The following MAGI2 variants were observed in gnomAD, a reference collection of about 807,000 sequenced individuals.
MAGI2 encodes membrane associated guanylate kinase, WW and PDZ domain containing 2.
A neutral mutation model predicts 133.3 loss-of-function variants in MAGI2; 35 were observed. The ratio of observed to expected loss-of-function variants is 0.26; its 90% CI spans 0.20 to 0.35. The LOEUF (loss-of-function observed/expected upper bound fraction) is 0.35. MAGI2 is among the 10% of genes least tolerant of loss of function. The pLI is 1.00. For missense variants in MAGI2, 1,636 were observed against 1,863.4 expected (o/e 0.88, Z 2.25); for synonymous variants, 729 against 710.6 (o/e 1.03, Z -0.41).
At chr7:78,793,825 A>T (rs1387952846) in intron 2 of MAGI2, among the ~76,000 whole-genome samples, 3 of 152,234 alleles carry the variant, frequency 2.0e-5, no homozygotes, top group Non-Finnish European at 4.4e-5. Context: ...ACAGTTGCTT[A>T]GTTGGTGATC....
In MAGI2 at chr7:78,657,069, T is replaced by G. The variant is rs1383299272; in HGVS notation, c.419-29830A>C. Among the ~76,000 whole-genome samples, 6 of 149,712 alleles carry G rather than the reference T, an allele frequency of 4.0e-5. No individual in the cohort carries two copies. The East Asian group carries it at 1.2e-3, about 29-fold the overall frequency. ...AGATACAGGAGATGGCAAATAAGAA[T>G]ATCAAATGATGATCCATATCATATG... On this transcript the variant is annotated intron_variant, in intron 2 of 21. Coordinates refer to ENST00000354212, the MANE Select transcript of MAGI2 (RefSeq NM_012301.4).
At chr7:78,849,472 C>T (rs1207820) in intron 2 of MAGI2, among the ~76,000 whole-genome samples, 95,287 of 151,878 alleles carry the variant, frequency 0.63, 30,884 homozygotes, top group East Asian at 0.74. Flanking sequence ...GAATGCCATG[C>T]AGAAGGTAAC....
chr7:78,330,989 A>G (rs1789132356), intron 9 of MAGI2, among the ~76,000 whole-genome samples: 2 of 152,220 alleles, frequency 1.3e-5, no homozygotes, highest in African/African-American at 2.4e-5. Context: ...ACACATACAC[A>G]CACCATAGAA....
intron 3 of MAGI2, among the ~76,000 whole-genome samples, chr7:78,588,420 G>A (rs1422876004): frequency 6.6e-6 from 1 of 152,222 alleles, no homozygotes; most frequent in African/African-American, 2.4e-5. Context: ...AAGCCAGTGT[G>A]TGGCAGGGGG....
rs142026924 is a variant in MAGI2 at position 79,266,889 on chromosome 7, C to T, written c.301+186131G>A. Among the ~76,000 whole-genome samples, 123 of 152,152 alleles carry T rather than the reference C, an allele frequency of 8.1e-4. No homozygotes were observed. The East Asian group carries it at 0.014, about 17-fold the overall frequency. The stretch of plus-strand genomic sequence containing the variant: ...AACTAAAGGATAACATCTTAACATA[C>T]GTTCTTGAGTTATTTTTCAGAAACT... On this transcript the variant is annotated intron_variant, in intron 1 of 21. Coordinates refer to ENST00000354212, the MANE Select transcript of MAGI2 (RefSeq NM_012301.4).
chr7:79,398,749 T>TATTA (rs1381301064), intron 1 of MAGI2, among the ~76,000 whole-genome samples: 4 of 152,222 alleles, frequency 2.6e-5, no homozygotes, highest in Non-Finnish European at 5.9e-5. Context: ...TCATTTAAAC[T>TATTA]GTCAATCTAA....
intron 2 of MAGI2, among the ~76,000 whole-genome samples, chr7:78,726,255 T>C (rs1820798201): frequency 6.6e-6 from 1 of 152,210 alleles, no homozygotes; most frequent in African/African-American, 2.4e-5. Flanking sequence ...TCTGTTGCCA[T>C]TTATTTGTAA....
chr7:79,306,252 T>C lies in MAGI2; in HGVS notation c.301+146768A>G, dbSNP rs4020434. Among the ~76,000 whole-genome samples, 238 of 147,078 alleles carry C rather than the reference T, an allele frequency of 1.6e-3. 1 individual carries two copies. Among genetic ancestry groups the C allele is most frequent in the Non-Finnish European group, 3.1e-3 (206 of 66,886 alleles). On this transcript the variant is annotated intron_variant, in intron 1 of 21. Coordinates refer to ENST00000354212, the MANE Select transcript of MAGI2 (RefSeq NM_012301.4). ...TTTATTTATATGTATATGTATATTT[T>C]ATTTATATTTATATATATTTTATTT...
At chr7:78,958,476 A>ACAAACTCT (rs1443427769) in intron 2 of MAGI2, among the ~76,000 whole-genome samples, 1 of 152,138 alleles carries the variant, frequency 6.6e-6, no homozygotes, top group Non-Finnish European at 1.5e-5. Context: ...GTTATGAGTA[A>ACAAACTCT]TTTCTTGCCA....
intron 3 of MAGI2, among the ~76,000 whole-genome samples, chr7:78,532,006 A>G (rs1797511049): frequency 6.6e-6 from 1 of 152,236 alleles, no homozygotes; most frequent in East Asian, 1.9e-4. Context: ...TATGACTGCT[A>G]GATTTTCCCA....
chr7:78,156,839 C>T (rs1026997005), intron 16 of MAGI2, among the ~76,000 whole-genome samples: 7 of 149,574 alleles, frequency 4.7e-5, no homozygotes, highest in Non-Finnish European at 1.0e-4. Flanking sequence ...AAAAAAAAAC[C>T]CCAAAAAACA....
At chr7:78,502,840 A>G (rs928607061) in intron 4 of MAGI2, among the ~76,000 whole-genome samples, 8 of 152,186 alleles carry the variant, frequency 5.3e-5, no homozygotes, top group Admixed American at 3.9e-4. Flanking sequence ...CAGAATGAGA[A>G]GAAGGAACGC....
At chr7:78,534,612 C>G (rs554662437) in intron 3 of MAGI2, among the ~76,000 whole-genome samples, 1 of 152,228 alleles carries the variant, frequency 6.6e-6, no homozygotes, top group Admixed American at 6.5e-5. Flanking sequence ...AGACCTCTAA[C>G]ATTCACAAAT....
Position 78,243,224 on chromosome 7 carries a change from T to TAC in MAGI2, c.2047+12717_2047+12718dup, listed in dbSNP as rs539437959. On this transcript the variant is annotated intron_variant, in intron 10 of 21. Coordinates refer to ENST00000354212, the MANE Select transcript of MAGI2 (RefSeq NM_012301.4). ...GCAACCTACCCTCAAATGGTTCAGATACACACACACACACACACACACACA... is the reference window on the plus strand; with the variant it reads ...GCAACCTACCCTCAAATGGTTCAGATACACACACACACACACACACACACACA... Among the ~76,000 whole-genome samples, 1,374 of 140,770 alleles carry TAC rather than the reference T, an allele frequency of 9.8e-3. 12 individuals carry two copies. The highest frequency in any genetic ancestry group is 0.014 in the African/African-American group (516 of 36,464). The allele number at this position is 140,770 out of a possible 152,430, so 92.4% of individuals were successfully genotyped here.
At chr7:78,182,135 T>G (rs1482442355) in intron 13 of MAGI2, among the ~76,000 whole-genome samples, 1 of 152,184 alleles carries the variant, frequency 6.6e-6, no homozygotes, top group Non-Finnish European at 1.5e-5. Flanking sequence ...AGAGGATACA[T>G]TTATTCAATT....
chr7:78,934,659 A>G (rs916722975), intron 2 of MAGI2, among the ~76,000 whole-genome samples: 1 of 152,150 alleles, frequency 6.6e-6, no homozygotes, highest in Non-Finnish European at 1.5e-5. Context: ...TATAAGGTAT[A>G]TATAAAATAT....
At chr7:79,371,759 A>C (rs1328217577) in intron 1 of MAGI2, among the ~76,000 whole-genome samples, 1 of 152,124 alleles carries the variant, frequency 6.6e-6, no homozygotes, top group Non-Finnish European at 1.5e-5. Context: ...CGTTTTTAGA[A>C]TTTTTGAGTG....
At chr7:79,006,978 C>T in intron 2 of MAGI2, 112 bp downstream of exon 2, 1 of 754,498 alleles carries the variant, frequency 1.3e-6, no homozygotes, top group South Asian at 2.6e-5. Flanking sequence ...TTTTCTGTTC[C>T]AAAAGCCCAC....
intron 9 of MAGI2, among the ~76,000 whole-genome samples, chr7:78,324,325 C>A (rs1788359475): frequency 6.6e-6 from 1 of 152,016 alleles, no homozygotes; most frequent in South Asian, 2.1e-4. Flanking sequence ...ATCCACCAAC[C>A]AGAGCCTGAG....
Sources: gnomAD v4.1 joint callset for allele counts (sites outside exome capture counted in the v4.1 genomes callset) on GRCh38, gnomAD v4.1.1 for gene constraint, MANE v1.5 for transcripts, NCBI Gene and HGNC (gene_info 2026-07-23, HGNC 2026-07-21) for gene names.